Variants in NAV2 observed in about 807,000 individuals in gnomAD.
NAV2 encodes the protein helicase, APC down-regulated 1.
Under a neutral mutation model 223.2 loss-of-function variants are expected in NAV2, and 54 were observed. The observed-to-expected ratio is 0.24, with a 90% CI of 0.19 to 0.30. The LOEUF is 0.30. NAV2 is among the 10% of genes least tolerant of loss of function. The pLI is 1.00. For missense variants in NAV2, 2,806 were observed against 3,147.5 expected (o/e 0.89, Z 2.60); for synonymous variants, 1,279 against 1,239.3 (o/e 1.03, Z -0.67).
intron 29 of NAV2, among the ~76,000 whole-genome samples, chr11:20,094,084 A>G (rs550652992): frequency 5.9e-5 from 9 of 152,180 alleles, no homozygotes; most frequent in African/African-American, 2.2e-4. Context: ...GCCTCACTAT[A>G]GGGGGTAAGC....
In NAV2 at chr11:20,031,761, T is replaced by C. The variant is rs549968171; in HGVS notation, c.2769-4198T>C. Among the ~76,000 whole-genome samples the C allele has an allele frequency of 1.2e-4, 18 of 150,574 alleles. 1 individual carries two copies. The highest frequency in any genetic ancestry group is 6.6e-4 in the Admixed American group (10 of 15,116). Reference sequence around the variant, plus strand: ...GTGTGTGTGTGTGTGTGTGTGTGTGTGCTTCATTCTTCTCAGCGTTTCCTG... The same window carrying C: ...GTGTGTGTGTGTGTGTGTGTGTGTGCGCTTCATTCTTCTCAGCGTTTCCTG... On this transcript the variant is annotated intron_variant, in intron 11 of 37. Transcript: ENST00000349880.
At chr11:19,591,032 C>T (rs539784097) in intron 1 of NAV2, 1 of 152,216 alleles carries the variant, frequency 6.6e-6, no homozygotes, top group Non-Finnish European at 1.5e-5. Flanking sequence ...ACTTTAGGGC[C>T]CTAGCAGTTG....
chr11:19,546,209 G>A (rs1377197634), intron 1 of NAV2, among the ~76,000 whole-genome samples: 2 of 152,254 alleles, frequency 1.3e-5, no homozygotes, highest in African/African-American at 4.8e-5. Flanking sequence ...AGGGCTTGAT[G>A]TGGGGTCTCG....
chr11:20,080,110 C>G lies in NAV2; in HGVS notation c.5226C>G (p.His1742Gln). ...CAGACCTCCGCATCCGCAGGCAGCACTCCTCAGACAGCGTCTCCAGCATCA... is the reference window on the plus strand; with the variant it reads ...CAGACCTCCGCATCCGCAGGCAGCAGTCCTCAGACAGCGTCTCCAGCATCA... Reference protein sequence around the residue: ...QSADLRIRRQHSSDSVSSINS... With the variant: ...QSADLRIRRQQSSDSVSSINS... Residue 1742 changes from histidine (H) to glutamine (Q), a missense_variant, in exon 25 of 38, where the codon CAC (histidine) becomes CAG (glutamine). His to Gln is a conservative substitution (Grantham distance 24). Around this residue, in one of 4 missense-constraint regions of NAV2, gnomAD observed 824 missense variants for 1,069.4 expected, o/e 0.77. Transcript: ENST00000349880. 1 of 1,614,154 alleles carries G rather than the reference C, an allele frequency of 6.2e-7. No homozygotes were observed. Among genetic ancestry groups the G allele is most frequent in the Non-Finnish European group, 8.5e-7 (1 of 1,180,022 alleles).
At chr11:19,853,627 A>G (rs866028422) in intron 3 of NAV2, among the ~76,000 whole-genome samples, 1 of 152,320 alleles carries the variant, frequency 6.6e-6, no homozygotes, top group Middle Eastern at 3.4e-3. Flanking sequence ...CCTGCCTTGT[A>G]CATTCTTTTT....
intron 1 of NAV2, among the ~76,000 whole-genome samples, chr11:19,413,824 TA>T (rs2133418398): frequency 6.6e-6 from 1 of 152,268 alleles, no homozygotes; most frequent in South Asian, 2.1e-4. Context: ...CCAGCCAAAC[TA>T]AGCCTCACAA....
At chr11:19,842,644 T>C (rs1361567597) in intron 2 of NAV2, among the ~76,000 whole-genome samples, 1 of 152,186 alleles carries the variant, frequency 6.6e-6, no homozygotes, top group Non-Finnish European at 1.5e-5. Flanking sequence ...TCGATGCAGT[T>C]GTCTCTGTTT....
intron 12 of NAV2, among the ~76,000 whole-genome samples, chr11:20,041,498 TTTGA>T (rs1306626791): frequency 6.6e-6 from 1 of 152,124 alleles, no homozygotes; most frequent in Admixed American, 6.5e-5. Context: ...ACCATTACAG[TTTGA>T]TTGGGGGGAA....
intron 1 of NAV2, among the ~76,000 whole-genome samples, chr11:19,355,330 C>T (rs1009668417): frequency 2.7e-5 from 4 of 150,308 alleles, no homozygotes; most frequent in African/African-American, 7.4e-5. Flanking sequence ...TCCTAGCTGT[C>T]AACTTCTCAG....
chr11:19,761,693 G>A (rs1305501379), intron 1 of NAV2, among the ~76,000 whole-genome samples: 18 of 152,168 alleles, frequency 1.2e-4, no homozygotes, highest in Non-Finnish European at 1.5e-5. Flanking sequence ...ATTTCCTAGG[G>A]GAGAGGGAGG....
chr11:19,883,409 C>G (rs868369027), intron 5 of NAV2, among the ~76,000 whole-genome samples: 1 of 152,136 alleles, frequency 6.6e-6, no homozygotes. Context: ...CACATTTCAC[C>G]CTGTGAAATT....
At chr11:19,696,133 T>C (rs1026871645) in intron 1 of NAV2, among the ~76,000 whole-genome samples, 2 of 152,130 alleles carry the variant, frequency 1.3e-5, no homozygotes, top group African/African-American at 2.4e-5. Flanking sequence ...TCCTGGTTTT[T>C]TCGGCAGCCT....
chr11:19,399,207 G>C (rs558195924), intron 1 of NAV2, among the ~76,000 whole-genome samples: 58 of 152,144 alleles, frequency 3.8e-4, no homozygotes, highest in Non-Finnish European at 7.1e-4. Context: ...TGTGTCTTAG[G>C]CTGAGTGTCC....
chr11:19,614,483 T>C (rs2046736192), intron 1 of NAV2, among the ~76,000 whole-genome samples: 1 of 152,110 alleles, frequency 6.6e-6, no homozygotes, highest in Admixed American at 6.5e-5. Context: ...GTACAGAGAA[T>C]TCCCATGTAG....
intron 1 of NAV2, among the ~76,000 whole-genome samples, chr11:19,644,080 G>GCACA (rs151050783): frequency 6.6e-4 from 100 of 150,840 alleles, no homozygotes; most frequent in Non-Finnish European, 7.3e-4. Context: ...GTGTGCATGT[G>GCACA]CACACACACA....
At chr11:19,680,420 T>C (rs1355154785) in intron 1 of NAV2, among the ~76,000 whole-genome samples, 2 of 146,066 alleles carry the variant, frequency 1.4e-5, no homozygotes, top group African/African-American at 2.8e-5. Context: ...TTTTTAAGGG[T>C]TTTTTTCCCC....
intron 1 of NAV2, among the ~76,000 whole-genome samples, chr11:19,396,516 C>T (rs535004823): frequency 5.9e-5 from 9 of 152,292 alleles, no homozygotes; most frequent in Middle Eastern, 6.8e-3. Flanking sequence ...CTGGGGCTCC[C>T]CTATGGCGGC....
At chr11:19,710,670 C>T (rs1451433591), upstream of NAV2, among the ~76,000 whole-genome samples, 1 of 152,248 alleles carries the variant, frequency 6.6e-6, no homozygotes, top group African/African-American at 2.4e-5. Flanking sequence ...TTTGGAATAT[C>T]TCCCTGATCT....
At chr11:19,471,807 G>A (rs961081068) in intron 1 of NAV2, among the ~76,000 whole-genome samples, 15 of 152,130 alleles carry the variant, frequency 9.9e-5, no homozygotes, top group African/African-American at 3.4e-4. Context: ...TGGCACCCGC[G>A]TGGCTGCCAG....
Sources: gnomAD v4.1 joint callset for allele counts (sites outside exome capture counted in the v4.1 genomes callset) on GRCh38, gnomAD v4.1.1 for gene constraint, gnomAD v4.1.1 regional missense constraint, MANE v1.5 for transcripts, NCBI Gene and HGNC (gene_info 2026-07-23, HGNC 2026-07-21) for gene names.